Variants in HNMT observed in about 807,000 individuals in gnomAD.
HNMT encodes histamine N-methyltransferase.
A neutral mutation model predicts 32.1 loss-of-function variants in HNMT; 30 were observed. The observed-to-expected ratio is 0.93, with a 90% CI of 0.70 to 1.27. The LOEUF (loss-of-function observed/expected upper bound fraction) is 1.27, where lower values mean the gene tolerates loss of function less well. HNMT is among the 50% of genes most tolerant of loss of function. HNMT has a pLI of 0.00. For synonymous variants in HNMT, 125 were observed against 119.0 expected (o/e 1.05, Z -0.33); for missense variants, 327 against 346.0 (o/e 0.95, Z 0.43).
At chr2:137,964,772 C>A in intron 1 of HNMT, 144 bp downstream of exon 1, 1 of 722,714 alleles carries the variant, frequency 1.4e-6, no homozygotes, top group Non-Finnish European at 2.3e-6. Context: ...CCCCTCCTCG[C>A]TGCCCTGCCC....
intron 2 of HNMT, among the ~76,000 whole-genome samples, chr2:137,997,821 C>A (rs1681041489): frequency 6.6e-6 from 1 of 152,114 alleles, no homozygotes; most frequent in African/African-American, 2.4e-5. Flanking sequence ...GCATATACAC[C>A]ATGTTATACT....
In HNMT at chr2:137,970,166, A is replaced by T. The variant is rs755137570; in HGVS notation, c.139A>T (p.Ile47Phe). 2 of 1,558,598 alleles carry T rather than the reference A, an allele frequency of 1.3e-6. No individual in the cohort carries two copies. Among genetic ancestry groups the T allele is most frequent in the Non-Finnish European group, 1.8e-6 (2 of 1,136,668 alleles). The change falls in exon 2 of 6, where the codon ATT (isoleucine) becomes TTT (phenylalanine). Residue 47 changes from isoleucine to phenylalanine, a missense_variant and splice_region_variant. Physicochemically the swap from Ile to Phe is conservative, Grantham distance 21. Coordinates refer to ENST00000280097, the MANE Select transcript of HNMT (RefSeq NM_006895.3). ...AACTACATAATTTTTTTCTTTCAGG[A>T]TTGGAGACACAAAATCAGAAATTAA... is the stretch of plus-strand genomic sequence containing the variant. The part of the protein sequence containing the change: ...DKKLPGIIGR[I>F]GDTKSEIKIL...
In HNMT at chr2:138,015,486, C is replaced by T. The variant is rs1248259070; in HGVS notation, c.*1356C>T. On this transcript the variant is annotated 3_prime_UTR_variant, in exon 6 of 6. Transcript: ENST00000280097. ...AGTTTATCCCCAGGGAATACACTGG[C>T]ATAGAGAGCCTATTTACACTAATAA... 2 of 152,132 alleles carry T rather than the reference C, an allele frequency of 1.3e-5. No homozygotes were observed. Among genetic ancestry groups the T allele is most frequent in the South Asian group, 2.1e-4 (1 of 4,832 alleles). 9.4% of individuals were successfully genotyped at this position (152,132 alleles called of 1,614,324 possible).
chr2:138,004,314 A>G (rs545170249), intron 4 of HNMT, among the ~76,000 whole-genome samples: 7 of 152,180 alleles, frequency 4.6e-5, no homozygotes, highest in Non-Finnish European at 1.0e-4. Context: ...ATTCATTCAT[A>G]TGAAAGAGGC....
intron 2 of HNMT, among the ~76,000 whole-genome samples, chr2:137,987,184 T>C (rs1233355543): frequency 6.6e-6 from 1 of 152,266 alleles, no homozygotes; most frequent in East Asian, 1.9e-4. Flanking sequence ...TGTGTATGTA[T>C]CTAAAGGCCT....
At chr2:137,985,864 CAACTTGCATT>C (rs1680636447) in intron 2 of HNMT, among the ~76,000 whole-genome samples, 1 of 152,052 alleles carries the variant, frequency 6.6e-6, no homozygotes, top group Non-Finnish European at 1.5e-5. Context: ...TGTAAGAGAA[CAACTTGCATT>C]ATAAAGTATC....
Position 138,005,185 on chromosome 2 carries a change from C to T in HNMT, c.483C>T (p.Leu161=). Residue 161 remains leucine, a synonymous_variant, in exon 5 of 6, where the codon CTC becomes CTT. Transcript: ENST00000280097. ...IPATLKFFHS[L]LGTNAKMLII... is the part of the protein sequence containing the mutation. ...CTACCCTGAAATTCTTCCATAGTCT[C>T]TTAGGTACCAATGCTAAGATGCTCA... 6.2e-7 allele frequency: 1 copy of T among 1,604,724 alleles called. No individual in the cohort carries two copies. Among genetic ancestry groups the T allele is most frequent in the Non-Finnish European group, 8.5e-7 (1 of 1,172,050 alleles).
intron 2 of HNMT, among the ~76,000 whole-genome samples, chr2:137,978,797 A>T (rs1245981942): frequency 7.2e-6 from 1 of 139,538 alleles, no homozygotes; most frequent in Middle Eastern, 0.011. Context: ...CTTTATAATT[A>T]TGTAATATAG....
intron 2 of HNMT, among the ~76,000 whole-genome samples, chr2:137,978,414 T>G (rs937685241): frequency 1.8e-4 from 26 of 145,392 alleles, no homozygotes; most frequent in Admixed American, 7.6e-4. Flanking sequence ...CATATGATTA[T>G]ATAATATAGT....
chr2:137,994,366 A>C (rs560879721), intron 2 of HNMT, among the ~76,000 whole-genome samples: 10 of 152,338 alleles, frequency 6.6e-5, no homozygotes, highest in African/African-American at 2.4e-4. Context: ...AAAAATAAGC[A>C]GGGGTTGAAA....
chr2:137,971,877 T>C (rs1680146573), intron 2 of HNMT, among the ~76,000 whole-genome samples: 1 of 152,084 alleles, frequency 6.6e-6, no homozygotes, highest in East Asian at 1.9e-4. Flanking sequence ...TATTTATATA[T>C]TTATCTTTAG....
chr2:138,013,947 T>C lies in HNMT; in HGVS notation c.696T>C (p.Asp232=). 10 of 1,613,822 alleles carry C rather than the reference T, an allele frequency of 6.2e-6. No individual in the cohort carries two copies. Among genetic ancestry groups the C allele is most frequent in the Non-Finnish European group, 8.5e-6 (10 of 1,179,842 alleles). ...STMDISDCFI[D]GNENGDLLWD... is the part of the protein sequence containing the mutation. ...TGGATATATCTGACTGCTTTATTGA[T>C]GGTAATGAAAATGGAGACCTGCTTT... is the stretch of plus-strand genomic sequence containing the variant. The change falls in exon 6 of 6, where the codon GAT becomes GAC. Residue 232 remains aspartate, a synonymous_variant. Coordinates refer to ENST00000280097, the MANE Select transcript of HNMT (RefSeq NM_006895.3).
At chr2:137,971,209 ACT>A (rs747853013) in intron 2 of HNMT, among the ~76,000 whole-genome samples, 40 of 150,410 alleles carry the variant, frequency 2.7e-4, no homozygotes, top group Non-Finnish European at 5.0e-4. Flanking sequence ...ACGGATTCTC[ACT>A]CTGTCGCCCA....
chr2:137,980,426 T>C (rs1030169119), intron 2 of HNMT, among the ~76,000 whole-genome samples: 3 of 152,220 alleles, frequency 2.0e-5, no homozygotes, highest in Non-Finnish European at 4.4e-5. Flanking sequence ...GCCTATAGAT[T>C]CTCAGTGCCT....
intron 2 of HNMT, among the ~76,000 whole-genome samples, chr2:137,972,599 C>T (rs1363153814): frequency 6.6e-6 from 1 of 151,914 alleles, no homozygotes; most frequent in African/African-American, 2.4e-5. Flanking sequence ...AGCTAAAATA[C>T]TTTATTATTG....
intron 5 of HNMT, 34 bp from the exon 6 acceptor site, chr2:138,013,741 T>A (rs1403225415): frequency 6.5e-7 from 1 of 1,532,116 alleles, no homozygotes; most frequent in Non-Finnish European, 9.0e-7. Flanking sequence ...AAAGAAAGAA[T>A]AAATGAAAGC....
intron 2 of HNMT, among the ~76,000 whole-genome samples, chr2:137,992,755 A>G (rs968454856): frequency 3.3e-5 from 5 of 152,182 alleles, no homozygotes; most frequent in Non-Finnish European, 7.4e-5. Context: ...AGAGGTTGTC[A>G]GACACCCTAT....
chr2:137,985,909 CA>C (rs1213841477), intron 2 of HNMT, among the ~76,000 whole-genome samples: 1 of 152,048 alleles, frequency 6.6e-6, no homozygotes, highest in Non-Finnish European at 1.5e-5. Flanking sequence ...GCAGAGCTTG[CA>C]GTGAGCCAAA....
intron 4 of HNMT, chr2:138,002,511 G>A: frequency 3.0e-6 from 1 of 332,984 alleles, no homozygotes; most frequent in Non-Finnish European, 4.3e-6. Flanking sequence ...GCGGTGGCAT[G>A]ATCTTAGCTC....
Sources: allele counts gnomAD v4.1 joint callset (sites outside exome capture counted in the v4.1 genomes callset), GRCh38; gene constraint gnomAD v4.1.1; transcripts MANE v1.5; gene names NCBI Gene and HGNC (gene_info 2026-07-23, HGNC 2026-07-21).